The following CPAP variants were observed in gnomAD, a reference collection of about 807,000 sequenced individuals.
The protein encoded by CPAP is centrosome assembly and centriole elongation protein, also known as centrosomal P4.1-associated protein.
the CPAP span, among the ~76,000 whole-genome samples, chr13:24,887,301 C>G: frequency 1.3e-5 from 2 of 152,144 alleles, no homozygotes; most frequent in East Asian, 3.9e-4. Context: ...GCCCCAAACC[C>G]CACGGTATAC....
chr13:24,883,182 G>A, the CPAP span: 8 of 1,613,634 alleles, frequency 5.0e-6, no homozygotes, highest in Admixed American at 1.2e-4. Context: ...GATCGTCACA[G>A]CTCCGTGTCC....
the CPAP span, chr13:24,913,069 G>T: frequency 6.4e-7 from 1 of 1,557,974 alleles, no homozygotes; most frequent in South Asian, 1.1e-5. Flanking sequence ...GCAAAGGCTA[G>T]AAGAGCTATT....
chr13:24,912,046 CT>C, the CPAP span: 4 of 1,613,772 alleles, frequency 2.5e-6, no homozygotes, highest in East Asian at 8.9e-5. Context: ...ATTGTTCCTG[CT>C]TCTTCTGTTG....
chr13:24,894,885 G>A, the CPAP span, among the ~76,000 whole-genome samples: 3 of 152,132 alleles, frequency 2.0e-5, no homozygotes, highest in African/African-American at 7.2e-5. Flanking sequence ...ACTGGTGAGG[G>A]TCCAGACCCA....
At chr13:24,897,036 C>T in the CPAP span, among the ~76,000 whole-genome samples, 1 of 152,070 alleles carries the variant, frequency 6.6e-6, no homozygotes, top group African/African-American at 2.4e-5. Flanking sequence ...AAACCTCTTA[C>T]CTATCAGGTA....
chr13:24,933,136 G>GT, the CPAP span: 1 of 1,565,294 alleles, frequency 6.4e-7, no homozygotes, highest in Non-Finnish European at 8.8e-7. Context: ...AAATCCTCAG[G>GT]TATTTCCAAA....
the CPAP span, chr13:24,882,832 T>G: frequency 6.5e-6 from 2 of 306,294 alleles, no homozygotes; most frequent in East Asian, 1.7e-4. Context: ...ACGGCTGATG[T>G]GTCTGTGGGA....
chr13:24,907,301 C>T, the CPAP span: 7 of 900,730 alleles, frequency 7.8e-6, no homozygotes, highest in African/African-American at 1.7e-5. Context: ...ACTAACTTTT[C>T]CCAAAATCAG....
chr13:24,933,652 T>A, the CPAP span: 520 of 152,792 alleles, frequency 3.4e-3, 1 homozygote, highest in Admixed American at 6.6e-3. Context: ...TGAATTGAAC[T>A]TGTAGGCCTG....
chr13:24,931,875 C>G, the CPAP span, among the ~76,000 whole-genome samples: 1 of 152,210 alleles, frequency 6.6e-6, no homozygotes, highest in African/African-American at 2.4e-5. Context: ...ACCCACCTCT[C>G]CCAAAGCCGA....
chr13:24,883,347 ACTCT>A, the CPAP span: 3 of 1,611,438 alleles, frequency 1.9e-6, no homozygotes, highest in Non-Finnish European at 2.5e-6. Context: ...CCATTATTAA[ACTCT>A]ATGAGTTTGT....
At chr13:24,887,716 A>G in the CPAP span, among the ~76,000 whole-genome samples, 1 of 152,202 alleles carries the variant, frequency 6.6e-6, no homozygotes, top group Non-Finnish European at 1.5e-5. Flanking sequence ...TGTGGTGCTG[A>G]ATCATCCCAA....
At chr13:24,905,953 TTCA>T in the CPAP span, 3 of 1,614,216 alleles carry the variant, frequency 1.9e-6, no homozygotes, top group South Asian at 1.1e-5. Flanking sequence ...TTGGAACACC[TTCA>T]TCGTCACGTG....
the CPAP span, among the ~76,000 whole-genome samples, chr13:24,927,485 G>A: frequency 1.3e-5 from 2 of 152,156 alleles, no homozygotes; most frequent in Non-Finnish European, 2.9e-5. Flanking sequence ...TGCAACCTAT[G>A]GGGCCCCTTC....
At chr13:24,918,294 A>T in the CPAP span, among the ~76,000 whole-genome samples, 2 of 152,340 alleles carry the variant, frequency 1.3e-5, no homozygotes, top group East Asian at 1.9e-4. Flanking sequence ...AAAAAGTTTT[A>T]AAAAATTTTA....
At chr13:24,931,306 C>CTTTTTTTTTTTTTTTTTTTTTTTTTTT in the CPAP span, among the ~76,000 whole-genome samples, 11 of 72,646 alleles carry the variant, frequency 1.5e-4, no homozygotes, top group African/African-American at 7.2e-4. Context: ...TTTCATGTTT[C>CTTTTTTTTTTTTTTTTTTTTTTTTTTT]TTTTTTTTTT....
At chr13:24,912,590 G>A in the CPAP span, 1 of 1,613,438 alleles carries the variant, frequency 6.2e-7, no homozygotes, top group South Asian at 1.1e-5. Flanking sequence ...ACCTGTTCAA[G>A]TTTTTTAAAA....
the CPAP span, among the ~76,000 whole-genome samples, chr13:24,913,880 G>C: frequency 2.6e-4 from 40 of 152,216 alleles, no homozygotes; most frequent in Non-Finnish European, 5.1e-4. Context: ...TTTGCACTGT[G>C]TGATAGATAT....
the CPAP span, among the ~76,000 whole-genome samples, chr13:24,899,026 A>T: frequency 6.6e-6 from 1 of 152,256 alleles, no homozygotes; most frequent in Non-Finnish European, 1.5e-5. Flanking sequence ...CTATCAGTTT[A>T]TAAGTTTTAG....
Sources: gnomAD v4.1 joint callset for allele counts (sites outside exome capture counted in the v4.1 genomes callset) on GRCh38, gnomAD v4.1.1 for gene constraint, MANE v1.5 for transcripts, NCBI Gene and HGNC (gene_info 2026-07-23, HGNC 2026-07-21) for gene names.